Variants in WDR72 observed in about 807,000 individuals in gnomAD.
The protein encoded by WDR72 is WD repeat domain 72.
WDR72 carries 120 observed loss-of-function variants against 124.2 expected under a neutral mutation model. That is an observed-to-expected ratio of 0.97 (90% confidence interval 0.83 to 1.12). WDR72 has a LOEUF of 1.12. WDR72 is among the 50% of genes most tolerant of loss of function. The pLI is 0.00. For missense variants in WDR72, 1,387 were observed against 1,278.8 expected (o/e 1.08, Z -1.29); for synonymous variants, 452 against 441.7 (o/e 1.02, Z -0.29).
chr15:53,715,320 A>G lies in WDR72; in HGVS notation c.387T>C (p.Cys129=), dbSNP rs966057842. 6.2e-7 allele frequency: 1 copy of G among 1,614,188 alleles called. No homozygotes were observed. Among genetic ancestry groups the G allele is most frequent in the Non-Finnish European group, 8.5e-7 (1 of 1,180,018 alleles). The change falls in exon 5 of 20, where the codon TGT becomes TGC. Residue 129 remains cysteine, a synonymous_variant. Transcript: ENST00000360509. ...FRMTGEGWLL[C]CGEYQDVLII... Reference sequence around the variant, plus strand: ...TAAGGACATCTTGATATTCTCCACAACAAAGAAGCCAGCCTTCTCCTGTCA... The same window carrying G: ...TAAGGACATCTTGATATTCTCCACAGCAAAGAAGCCAGCCTTCTCCTGTCA...
intron 14 of WDR72, among the ~76,000 whole-genome samples, chr15:53,622,944 C>A (rs983315575): frequency 6.6e-6 from 1 of 151,902 alleles, no homozygotes; most frequent in Non-Finnish European, 1.5e-5. Context: ...TTCACAAGAT[C>A]AATAATCAAA....
At chr15:53,521,333 G>A (rs1157962061) in intron 19 of WDR72, among the ~76,000 whole-genome samples, 1 of 151,978 alleles carries the variant, frequency 6.6e-6, no homozygotes, top group Non-Finnish European at 1.5e-5. Context: ...GCAATTCTTG[G>A]AGAAATACGA....
intron 14 of WDR72, among the ~76,000 whole-genome samples, chr15:53,640,052 T>C (rs1160798731): frequency 6.6e-6 from 1 of 152,204 alleles, no homozygotes; most frequent in Non-Finnish European, 1.5e-5. Context: ...ATTCCAGGTC[T>C]TTTAAAAAAT....
At chr15:53,720,819 T>C (rs2017856955) in intron 3 of WDR72, among the ~76,000 whole-genome samples, 1 of 152,212 alleles carries the variant, frequency 6.6e-6, no homozygotes, top group Admixed American at 6.5e-5. Flanking sequence ...TAGAATTTTC[T>C]GTGATTGCTG....
At position 53,702,168 on chromosome 15, in the gene WDR72, A is replaced by T; in HGVS notation, c.1535T>A (p.Val512Glu). ...CTCTGGTGACATCAAAAGACTTGTT[A>T]CTGGACCAGCTTCCAAAAAGAATTT... ...LHKFFLEAGP[V>E]TSLLMSPEKF... is the part of the protein sequence containing the mutation. The change falls in exon 12 of 20, where the codon GTA becomes GAA. Residue 512 changes from valine (V) to glutamate (E), a missense_variant. Physicochemically the swap from Val to Glu is moderately radical, Grantham distance 121. Transcript: ENST00000360509. 1 of 1,613,922 alleles carries T rather than the reference A, an allele frequency of 6.2e-7. No individual in the cohort carries two copies. The highest frequency in any genetic ancestry group is 8.5e-7 in the Non-Finnish European group (1 of 1,179,970).
chr15:53,651,644 TTG>T (rs2015244550), intron 14 of WDR72, among the ~76,000 whole-genome samples: 1 of 149,636 alleles, frequency 6.7e-6, no homozygotes, highest in Admixed American at 6.6e-5. Flanking sequence ...TCTATAGTTT[TTG>T]TTTGTTTGTT....
intron 13 of WDR72, among the ~76,000 whole-genome samples, chr15:53,668,411 T>C (rs2015852213): frequency 6.6e-6 from 1 of 152,194 alleles, no homozygotes; most frequent in African/African-American, 2.4e-5. Flanking sequence ...TGAAAGACCT[T>C]GGTTAAAATT....
At chr15:53,719,039 T>A (rs965825788) in intron 3 of WDR72, among the ~76,000 whole-genome samples, 14 of 152,112 alleles carry the variant, frequency 9.2e-5, no homozygotes, top group Non-Finnish European at 2.1e-4. Flanking sequence ...CATGGATAAA[T>A]ACATCAGCCA....
intron 18 of WDR72, among the ~76,000 whole-genome samples, chr15:53,529,883 G>T (rs1466588644): frequency 6.6e-6 from 1 of 151,946 alleles, no homozygotes. Context: ...ATTACAAAGA[G>T]AAAACGTGTA....
chr15:53,604,430 T>C (rs2013184800), intron 17 of WDR72, among the ~76,000 whole-genome samples: 1 of 152,196 alleles, frequency 6.6e-6, no homozygotes, highest in Non-Finnish European at 1.5e-5. Context: ...GGCAAAGGTT[T>C]AATGGCAAAG....
At chr15:53,527,634 T>C (rs1385838625) in intron 18 of WDR72, among the ~76,000 whole-genome samples, 3 of 152,040 alleles carry the variant, frequency 2.0e-5, no homozygotes, top group African/African-American at 4.8e-5. Context: ...TTGGAAGTAA[T>C]GAGGATATTT....
At chr15:53,521,719 C>A (rs867437693) in intron 19 of WDR72, among the ~76,000 whole-genome samples, 1 of 151,950 alleles carries the variant, frequency 6.6e-6, no homozygotes, top group African/African-American at 2.4e-5. Context: ...CTATTCTTAT[C>A]AAAAACAATG....
intron 1 of WDR72, among the ~76,000 whole-genome samples, chr15:53,736,998 A>AACATAC (rs2018374127): frequency 7.1e-6 from 1 of 141,154 alleles, no homozygotes; most frequent in Admixed American, 7.2e-5. Flanking sequence ...GTAGATGTAA[A>AACATAC]ACACACACAC....
chr15:53,659,726 T>C (rs2015547483), intron 14 of WDR72, among the ~76,000 whole-genome samples: 1 of 152,014 alleles, frequency 6.6e-6, no homozygotes, highest in Non-Finnish European at 1.5e-5. Context: ...GATTAGATAT[T>C]ACAGAAATTT....
intron 13 of WDR72, among the ~76,000 whole-genome samples, chr15:53,697,014 T>C (rs1833609403): frequency 6.6e-6 from 1 of 152,228 alleles, no homozygotes; most frequent in South Asian, 2.1e-4. Flanking sequence ...TCACCAATTA[T>C]AAGCTCATCT....
intron 16 of WDR72, among the ~76,000 whole-genome samples, chr15:53,612,637 G>A (rs1378038953): frequency 6.6e-6 from 1 of 151,964 alleles, no homozygotes; most frequent in Admixed American, 6.6e-5. Flanking sequence ...TTGGATGGGG[G>A]TGTATATGTG....
chr15:53,667,841 T>G (rs771462540), intron 13 of WDR72, among the ~76,000 whole-genome samples: 2 of 152,250 alleles, frequency 1.3e-5, no homozygotes, highest in Non-Finnish European at 2.9e-5. Flanking sequence ...CACGTTTTAT[T>G]GTATACCTAA....
At chr15:53,632,482 TG>T (rs1237607398) in intron 14 of WDR72, among the ~76,000 whole-genome samples, 1 of 151,806 alleles carries the variant, frequency 6.6e-6, no homozygotes, top group African/African-American at 2.4e-5. Flanking sequence ...AGAGGGGAAA[TG>T]GGGGGTTGAA....
intron 18 of WDR72, among the ~76,000 whole-genome samples, chr15:53,549,268 G>C (rs1457484753): frequency 6.6e-6 from 1 of 152,158 alleles, no homozygotes; most frequent in African/African-American, 2.4e-5. Context: ...CGCATGTGAT[G>C]AATGTCAAGC....
Sources: allele counts gnomAD v4.1 joint callset (sites outside exome capture counted in the v4.1 genomes callset), GRCh38; gene constraint gnomAD v4.1.1; transcripts MANE v1.5; gene names NCBI Gene and HGNC (gene_info 2026-07-23, HGNC 2026-07-21).